Variants in IP6K3 observed in about 807,000 individuals in gnomAD.
IP6K3 encodes the protein ATP:1D-myo-inositol-hexakisphosphate phosphotransferase.
In IP6K3, 20 loss-of-function variants were observed where a neutral mutation model predicts 28.8. The observed-to-expected ratio is 0.70, with a 90% CI of 0.49 to 1.01. The LOEUF (loss-of-function observed/expected upper bound fraction) is 1.01. IP6K3 is among the 50% of genes least tolerant of loss of function. The pLI, the probability that IP6K3 is intolerant of heterozygous loss-of-function variation, is 0.00. For synonymous variants in IP6K3, 213 were observed against 221.3 expected (o/e 0.96, Z 0.33); for missense variants, 480 against 537.1 (o/e 0.89, Z 1.05).
the IP6K3 span, among the ~76,000 whole-genome samples, chr6:33,754,848 T>G: frequency 1.3e-5 from 2 of 152,196 alleles, no homozygotes; most frequent in Admixed American, 6.5e-5. Context: ...AAGCCCTTAT[T>G]ATGTGCCAGG....
In IP6K3 at chr6:33,735,277, C is replaced by T; in HGVS notation, c.199+1G>A. The T allele has an allele frequency of 6.2e-7, 1 of 1,612,386 alleles. No individual in the cohort carries two copies. On this transcript the variant is annotated splice_donor_variant, in intron 2 of 5. Transcript: ENST00000293756. LOFTEE classifies it high-confidence loss of function. ...CGTGGCCTGGCTGCCTAGACACTCA[C>T]CTTTGTACTGTGGGGTGAACCGCTT...
the IP6K3 span, among the ~76,000 whole-genome samples, chr6:33,753,346 G>A: frequency 6.6e-6 from 1 of 152,182 alleles, no homozygotes; most frequent in Non-Finnish European, 1.5e-5. Context: ...ATCTGGCATT[G>A]TCCCCCAAAT....
chr6:33,723,247 G>T, intron 5 of IP6K3, 60 bp from the exon 6 acceptor site: 1 of 1,148,584 alleles, frequency 8.7e-7, no homozygotes, highest in Non-Finnish European at 1.2e-6. Context: ...ATTGTATCTG[G>T]TACGGTTGCA....
intron 2 of IP6K3, among the ~76,000 whole-genome samples, chr6:33,730,201 G>A (rs931764103): frequency 6.6e-6 from 1 of 152,120 alleles, no homozygotes; most frequent in Non-Finnish European, 1.5e-5. Context: ...CCGTGAAGGC[G>A]GCTCATCTCT....
rs142263040 is a variant in IP6K3, at chr6:33,728,598, T to C, written c.200-298A>G. Among the ~76,000 whole-genome samples the C allele has an allele frequency of 7.3e-3, 1,114 of 152,308 alleles. 13 individuals carry two copies. The highest frequency in any genetic ancestry group is 0.02 in the African/African-American group (839 of 41,580). ...TTCAACAAAGTCAACTCCGCACATT[T>C]TGTCCTTGCGTTCCAGTTCCTCTGT... On this transcript the variant is annotated intron_variant, in intron 2 of 5. Coordinates refer to ENST00000293756, the MANE Select transcript of IP6K3 (RefSeq NM_054111.5).
At chr6:33,750,796 C>T (rs1363273679), upstream of IP6K3, among the ~76,000 whole-genome samples, 1 of 152,160 alleles carries the variant, frequency 6.6e-6, no homozygotes, top group Non-Finnish European at 1.5e-5. The surrounding 1 kb of genome is among the most constrained non-coding windows in gnomAD (Gnocchi z 4.3). Flanking sequence ...TAATGGGGGC[C>T]TTTGGCTCGG....
intron 2 of IP6K3, among the ~76,000 whole-genome samples, chr6:33,732,935 GCCTTTT>G (rs1766369805): frequency 6.6e-6 from 1 of 152,174 alleles, no homozygotes; most frequent in Non-Finnish European, 1.5e-5. Context: ...CTGGTTCTGG[GCCTTTT>G]CCTAGAGTCT....
chr6:33,731,533 C>T (rs552433695), intron 2 of IP6K3, among the ~76,000 whole-genome samples: 2 of 152,376 alleles, frequency 1.3e-5, no homozygotes, highest in African/African-American at 4.8e-5. Flanking sequence ...GTTACACAGC[C>T]AGGCTCTGCA....
At position 33,742,507 on chromosome 6, in the gene IP6K3, C is replaced by A. The variant is rs6942022; in HGVS notation, c.-180+4251G>T. Among the ~76,000 whole-genome samples the A allele has an allele frequency of 3.9e-5, 6 of 152,126 alleles. No homozygotes were observed. In the South Asian group the frequency reaches 1.2e-3, roughly 32 times the overall value. On this transcript the variant is annotated intron_variant, in intron 1 of 5. Coordinates refer to ENST00000293756, the MANE Select transcript of IP6K3 (RefSeq NM_054111.5). The surrounding 1 kb of genome is among the most constrained non-coding windows in gnomAD (Gnocchi z 4.5). ...CAGTGTCTAACGAAGTGCTTGGCAG[C>A]GTGGATTCTTAGGGCCCTGGGTGAG... is the stretch of plus-strand genomic sequence containing the variant.
At chr6:33,745,282 G>A (rs965377134) in intron 1 of IP6K3, among the ~76,000 whole-genome samples, 67 of 152,178 alleles carry the variant, frequency 4.4e-4, no homozygotes, top group Non-Finnish European at 1.8e-4. Flanking sequence ...AGGAGATGCC[G>A]CTGGCCAGGG....
At chr6:33,732,716 T>C (rs1368491086) in intron 2 of IP6K3, among the ~76,000 whole-genome samples, 1 of 152,198 alleles carries the variant, frequency 6.6e-6, no homozygotes, top group African/African-American at 2.4e-5. Context: ...GGTCCCTGCC[T>C]CAGTGTGCTG....
intron 4 of IP6K3, among the ~76,000 whole-genome samples, chr6:33,725,925 A>G (rs1035161925): frequency 3.9e-5 from 6 of 152,214 alleles, no homozygotes; most frequent in African/African-American, 1.4e-4. Context: ...GCCATGCCCA[A>G]TTTACATTTT....
rs7763204 is a variant in IP6K3 at position 33,724,992 on chromosome 6, A to C, written c.765+449T>G. 1.3e-3 allele frequency among the ~76,000 whole-genome samples: 195 copies of C among 152,278 alleles called. 1 individual carries two copies. Among genetic ancestry groups the C allele is most frequent in the African/African-American group, 4.5e-3 (186 of 41,544 alleles). ...CGCAGTGGCTCACACCTGTAGTCCC[A>C]GCACTTTGGGAGGCCAAGGCGGGCA... On this transcript the variant is annotated intron_variant, in intron 5 of 5. Coordinates refer to ENST00000293756, the MANE Select transcript of IP6K3 (RefSeq NM_054111.5).
chr6:33,753,104 T>C, the IP6K3 span, among the ~76,000 whole-genome samples: 1 of 151,692 alleles, frequency 6.6e-6, no homozygotes, highest in East Asian at 1.9e-4. Context: ...TTTTGTAGAG[T>C]TGGGGGTATC....
intron 2 of IP6K3, among the ~76,000 whole-genome samples, chr6:33,728,787 T>A (rs1476075286): frequency 6.6e-6 from 1 of 152,084 alleles, no homozygotes; most frequent in Non-Finnish European, 1.5e-5. Context: ...TGAGCACCCT[T>A]CTTCTCCCTC....
chr6:33,728,685 G>A (rs1434421254), intron 2 of IP6K3, among the ~76,000 whole-genome samples: 1 of 152,228 alleles, frequency 6.6e-6, no homozygotes, highest in Admixed American at 6.5e-5. Context: ...TGGGGGCATT[G>A]GAGCTGGTCC....
At chr6:33,733,370 G>A (rs1157234587) in intron 2 of IP6K3, among the ~76,000 whole-genome samples, 3 of 152,250 alleles carry the variant, frequency 2.0e-5, no homozygotes, top group Non-Finnish European at 4.4e-5. Context: ...CAAGGGCACT[G>A]AGAGTGGGGC....
chr6:33,737,226 C>T (rs1230416957), intron 1 of IP6K3, among the ~76,000 whole-genome samples: 1 of 152,216 alleles, frequency 6.6e-6, no homozygotes, highest in African/African-American at 2.4e-5. Context: ...TAAAGACGTC[C>T]TGACTTTGTC....
intron 2 of IP6K3, among the ~76,000 whole-genome samples, chr6:33,733,764 G>A (rs1169983303): frequency 6.6e-6 from 1 of 152,234 alleles, no homozygotes; most frequent in Non-Finnish European, 1.5e-5. Context: ...CTCCGTGTGT[G>A]ACGCTGATCG....
Sources: allele counts gnomAD v4.1 joint callset (sites outside exome capture counted in the v4.1 genomes callset), GRCh38; gene constraint gnomAD v4.1.1; non-coding constraint Gnocchi (gnomAD v3.1); transcripts MANE v1.5; gene names NCBI Gene and HGNC (gene_info 2026-07-23, HGNC 2026-07-21).